The following ADAM22 variants were observed in gnomAD, a reference collection of about 807,000 sequenced individuals.
The protein encoded by ADAM22 is disintegrin and metalloproteinase domain-containing protein 22.
A neutral mutation model predicts 144.6 loss-of-function variants in ADAM22; 65 were observed. The observed-to-expected ratio is 0.45, with a 90% confidence interval of 0.37 to 0.55. The LOEUF (loss-of-function observed/expected upper bound fraction) is 0.55, where lower values mean the gene tolerates loss of function less well. Among genes scored for constraint, ADAM22 ranks in the 20% least tolerant of loss-of-function variants. The pLI is 0.00. For missense variants in ADAM22, 974 were observed against 1,184.9 expected (o/e 0.82, Z 2.61); for synonymous variants, 391 against 412.6 (o/e 0.95, Z 0.63).
rs936986396 is a variant in ADAM22 at position 88,017,509 on chromosome 7, A to G, written c.323+39097A>G. On this transcript the variant is annotated intron_variant, in intron 3 of 31. Transcript: ENST00000413139. ...ACTCTCTCTGAATAGTTTTATTATCAATTTGCTATATATGTAGGTTTATTC... is the reference window on the plus strand; with the variant it reads ...ACTCTCTCTGAATAGTTTTATTATCGATTTGCTATATATGTAGGTTTATTC... Among the ~76,000 whole-genome samples the G allele has an allele frequency of 5.5e-4, 83 of 152,134 alleles. 1 individual carries two copies. Among genetic ancestry groups the G allele is most frequent in the African/African-American group, 2.0e-3 (83 of 41,438 alleles).
rs761252055 is a variant in ADAM22, at chr7:88,148,966, G to A, written c.1486-11G>A. On this transcript the variant is annotated splice_polypyrimidine_tract_variant and intron_variant, in intron 17 of 31. Coordinates refer to ENST00000413139, the MANE Select transcript of ADAM22 (RefSeq NM_001324418.2). ...CCTACAGTTTCACACGTTGATTTTT[G>A]TTCATTTTAGTTTCAGCCTATGGGC... The A allele has an allele frequency of 1.9e-6, 3 of 1,594,810 alleles. No individual in the cohort carries two copies. The highest frequency in any genetic ancestry group is 2.6e-6 in the Non-Finnish European group (3 of 1,169,656).
At chr7:88,037,674 C>A (rs1471729704) in intron 3 of ADAM22, among the ~76,000 whole-genome samples, 1 of 151,808 alleles carries the variant, frequency 6.6e-6, no homozygotes, top group Non-Finnish European at 1.5e-5. Context: ...AACCTTTAAA[C>A]CCTGCTGTGG....
intron 4 of ADAM22, among the ~76,000 whole-genome samples, chr7:88,098,932 A>G (rs1822178873): frequency 6.6e-6 from 1 of 152,200 alleles, no homozygotes; most frequent in Non-Finnish European, 1.5e-5. Context: ...TTGAAATAGT[A>G]CAGAGATTTT....
At chr7:88,003,726 G>T (rs900809315) in intron 3 of ADAM22, among the ~76,000 whole-genome samples, 1 of 152,190 alleles carries the variant, frequency 6.6e-6, no homozygotes, top group Non-Finnish European at 1.5e-5. Context: ...AAAAAAACTT[G>T]TCACTGTTGA....
At chr7:88,132,714 G>A in intron 11 of ADAM22, 153 bp from the exon 12 acceptor site, 1 of 576,672 alleles carries the variant, frequency 1.7e-6, no homozygotes, top group Non-Finnish European at 3.0e-6. Context: ...TTGGTTACAT[G>A]TATAAACAAT....
At chr7:88,043,699 C>G (rs1003600973) in intron 3 of ADAM22, among the ~76,000 whole-genome samples, 1 of 150,984 alleles carries the variant, frequency 6.6e-6, no homozygotes, top group Non-Finnish European at 1.5e-5. Context: ...TAGTGAGACT[C>G]CATCTCTTAA....
intron 3 of ADAM22, among the ~76,000 whole-genome samples, chr7:87,979,008 G>T (rs1011688090): frequency 6.6e-6 from 1 of 152,142 alleles, no homozygotes; most frequent in Admixed American, 6.5e-5. Context: ...TAAGTGTAGT[G>T]TTTAATAAAT....
intron 26 of ADAM22, 80 bp downstream of exon 26, chr7:88,171,641 A>G (rs1448893573): frequency 7.9e-7 from 1 of 1,262,722 alleles, no homozygotes; most frequent in Non-Finnish European, 1.1e-6. Context: ...ACATGCAATT[A>G]TAATTAAGTT....
intron 4 of ADAM22, among the ~76,000 whole-genome samples, chr7:88,084,490 C>A (rs1197685677): frequency 6.6e-6 from 1 of 152,128 alleles, no homozygotes; most frequent in Admixed American, 6.6e-5. Context: ...CAAAATTCTC[C>A]TCTGGGTTTT....
chr7:88,039,464 A>AAAAAAAAAAAC, intron 3 of ADAM22, among the ~76,000 whole-genome samples: 1 of 76,380 alleles, frequency 1.3e-5, no homozygotes, highest in East Asian at 5.3e-4. Context: ...AAAAAAAAAA[A>AAAAAAAAAAAC]ATATATATAT....
intron 9 of ADAM22, among the ~76,000 whole-genome samples, chr7:88,129,241 A>T (rs937852167): frequency 6.6e-6 from 1 of 152,038 alleles, no homozygotes; most frequent in African/African-American, 2.4e-5. Context: ...TAATGGGCAT[A>T]TTGCAGGCAG....
At chr7:88,194,080 A>G (rs1404599171) in intron 31 of ADAM22, among the ~76,000 whole-genome samples, 1 of 152,248 alleles carries the variant, frequency 6.6e-6, no homozygotes, top group Non-Finnish European at 1.5e-5. Flanking sequence ...TGAATTAACA[A>G]AAGACTTCTT....
intron 5 of ADAM22, among the ~76,000 whole-genome samples, chr7:88,108,617 T>C (rs1429165467): frequency 6.6e-6 from 1 of 151,938 alleles, no homozygotes; most frequent in Non-Finnish European, 1.5e-5. Context: ...TAATCCCAGC[T>C]ACTCGGGAGG....
chr7:87,999,987 T>TAAAAA (rs201224958), intron 3 of ADAM22, among the ~76,000 whole-genome samples: 3 of 132,092 alleles, frequency 2.3e-5, no homozygotes, highest in East Asian at 4.2e-4. Context: ...AGCACATCTC[T>TAAAAA]AAAAAAAAAA....
chr7:87,945,331 C>T (rs1843433014), intron 2 of ADAM22, among the ~76,000 whole-genome samples: 2 of 151,990 alleles, frequency 1.3e-5, no homozygotes, highest in Non-Finnish European at 2.9e-5. Flanking sequence ...CATGGTTTGC[C>T]ATAGATTGTG....
intron 4 of ADAM22, among the ~76,000 whole-genome samples, chr7:88,092,652 A>AT (rs1444286450): frequency 6.6e-6 from 1 of 152,206 alleles, no homozygotes. Context: ...TAGGAAAAAA[A>AT]TTTGGGGGGA....
At chr7:88,034,403 G>T (rs1000937560) in intron 3 of ADAM22, among the ~76,000 whole-genome samples, 3 of 152,128 alleles carry the variant, frequency 2.0e-5, no homozygotes, top group African/African-American at 7.2e-5. Context: ...GGCTGAGCTG[G>T]TATCCAAGTT....
chr7:88,120,539 T>C (rs1035847978), intron 7 of ADAM22, among the ~76,000 whole-genome samples: 3 of 152,250 alleles, frequency 2.0e-5, no homozygotes, highest in Non-Finnish European at 4.4e-5. Flanking sequence ...CTAGTGTATG[T>C]GGTGGTATCT....
At chr7:88,132,710 A>T in intron 11 of ADAM22, 157 bp from the exon 12 acceptor site, 2 of 547,150 alleles carry the variant, frequency 3.7e-6, no homozygotes, top group African/African-American at 1.9e-5. Flanking sequence ...TTCTTTGGTT[A>T]CATGTATAAA....
Sources: allele counts gnomAD v4.1 joint callset (sites outside exome capture counted in the v4.1 genomes callset), GRCh38; gene constraint gnomAD v4.1.1; transcripts MANE v1.5; gene names NCBI Gene and HGNC (gene_info 2026-07-23, HGNC 2026-07-21).